Variants in RAB11FIP4 observed in about 807,000 individuals in gnomAD.
The protein encoded by RAB11FIP4 is rab11 family-interacting protein 4.
Under a neutral mutation model 74.3 loss-of-function variants are expected in RAB11FIP4, and 23 were observed. The ratio of observed to expected loss-of-function variants is 0.31; its 90% confidence interval spans 0.22 to 0.44. The LOEUF is 0.44. Among genes scored for constraint, RAB11FIP4 ranks in the 20% least tolerant of loss-of-function variants. The probability of loss-of-function intolerance (pLI) is 1.00; values close to 1 mark genes in which losing one functional copy is unlikely to be tolerated. For synonymous variants in RAB11FIP4, 360 were observed against 359.9 expected (o/e 1.00, Z 0.00); for missense variants, 630 against 863.9 (o/e 0.73, Z 3.39).
chr17:31,404,733 G>T (rs781037433), intron 1 of RAB11FIP4, among the ~76,000 whole-genome samples: 1 of 152,104 alleles, frequency 6.6e-6, no homozygotes, highest in Non-Finnish European at 1.5e-5. Flanking sequence ...CGGTGGGGGC[G>T]GGGGACTGAC....
chr17:31,517,669 C>A lies in RAB11FIP4; in HGVS notation c.355C>A (p.Pro119Thr). Residue 119 changes from proline (P) to threonine (T), a missense_variant, in exon 4 of 15, where the codon CCC becomes ACC. Coordinates refer to ENST00000621161, the MANE Select transcript of RAB11FIP4 (RefSeq NM_032932.6). ...CVEQGSEVTGPTFADGELIPR... is the reference protein window; with the variant it reads ...CVEQGSEVTGTTFADGELIPR... The stretch of plus-strand genomic sequence containing the variant: ...TTCCCAGGGCAGCGAGGTCACAGGC[C>A]CCACCTTTGCTGATGGCGAGCTCAT... The A allele has an allele frequency of 6.2e-7, 1 of 1,605,928 alleles. No individual in the cohort carries two copies. Among genetic ancestry groups the A allele is most frequent in the Non-Finnish European group, 8.5e-7 (1 of 1,177,026 alleles).
chr17:31,395,248 T>TAATA (rs1299382220), intron 1 of RAB11FIP4, among the ~76,000 whole-genome samples: 1 of 152,182 alleles, frequency 6.6e-6, no homozygotes, highest in Non-Finnish European at 1.5e-5. Flanking sequence ...GAACAGATGA[T>TAATA]AATAAATAAA....
chr17:31,527,579 G>A (rs1047012005), intron 10 of RAB11FIP4: 3 of 430,970 alleles, frequency 7.0e-6, no homozygotes, highest in Non-Finnish European at 1.2e-5. Context: ...GGGCAACAGA[G>A]CAGGACTCTG....
At chr17:31,502,372 A>G (rs1455082188) in intron 3 of RAB11FIP4, among the ~76,000 whole-genome samples, 1 of 151,848 alleles carries the variant, frequency 6.6e-6, no homozygotes, top group Non-Finnish European at 1.5e-5. Flanking sequence ...TGAGGTCAGG[A>G]GTTCAAGACC....
chr17:31,403,611 CGCGCCCGGCCCT>C (rs1567644276), intron 1 of RAB11FIP4, among the ~76,000 whole-genome samples: 1 of 152,134 alleles, frequency 6.6e-6, no homozygotes, highest in Non-Finnish European at 1.5e-5. Context: ...CATGAGCCAC[CGCGCCCGGCCCT>C]GCCTTTGTAT....
At chr17:31,516,540 G>GC (rs2072550367) in intron 3 of RAB11FIP4, among the ~76,000 whole-genome samples, 1 of 152,230 alleles carries the variant, frequency 6.6e-6, no homozygotes, top group African/African-American at 2.4e-5. Flanking sequence ...CGCTATCTTG[G>GC]CTCACCGCAA....
intron 1 of RAB11FIP4, among the ~76,000 whole-genome samples, chr17:31,399,088 T>C (rs2070959712): frequency 6.6e-6 from 1 of 151,866 alleles, no homozygotes; most frequent in African/African-American, 2.4e-5. Flanking sequence ...AGCCCTGGAG[T>C]GTAGGGCGGA....
intron 3 of RAB11FIP4, among the ~76,000 whole-genome samples, chr17:31,481,379 C>G (rs541583639): frequency 6.6e-6 from 1 of 152,120 alleles, no homozygotes; most frequent in East Asian, 1.9e-4. Context: ...GTTTAGGAAC[C>G]ACTGCTTTAA....
rs893248415 is a variant in RAB11FIP4 at position 31,523,670 on chromosome 17, G to A, written c.1029+59G>A. The A allele has an allele frequency of 3.0e-5, 44 of 1,489,726 alleles. No individual in the cohort carries two copies. In the African/African-American group the frequency reaches 5.5e-4, roughly 19 times the overall value. 92.3% of individuals were successfully genotyped at this position (1,489,726 alleles called of 1,614,324 possible). ...GCATGCCTGCTCCCAGGGGAGATGG[G>A]GTGCACTCAGGCTACTGTCTGGGGA... On this transcript the variant is annotated intron_variant, in intron 8 of 14. Transcript: ENST00000621161.
chr17:31,521,727 G>A (rs771051296), intron 5 of RAB11FIP4, 188 bp from the exon 6 acceptor site: 1 of 662,970 alleles, frequency 1.5e-6, no homozygotes, highest in South Asian at 2.0e-5. Context: ...AAATGGGTAT[G>A]CCTCACTGGC....
intron 3 of RAB11FIP4, among the ~76,000 whole-genome samples, chr17:31,453,355 C>CAAAA (rs747844559): frequency 0.017 from 1,226 of 71,060 alleles, 16 homozygotes; most frequent in East Asian, 0.078. Flanking sequence ...GACCCTACCT[C>CAAAA]AAAAAAAAAA....
At chr17:31,451,017 A>C (rs996580358) in intron 3 of RAB11FIP4, among the ~76,000 whole-genome samples, 1 of 152,044 alleles carries the variant, frequency 6.6e-6, no homozygotes, top group Non-Finnish European at 1.5e-5. Flanking sequence ...TTTTACCTCC[A>C]AACTATGTCC....
In RAB11FIP4 at chr17:31,446,657, C is replaced by T. The variant is rs116507115; in HGVS notation, c.336+12535C>T. On this transcript the variant is annotated intron_variant, in intron 3 of 14. Transcript: ENST00000621161. ...AGAAAACTAGAAAAGACCCCCCCCA[C>T]GTCTTTGGGGGGATTATCTGAGATA... Among the ~76,000 whole-genome samples, 312 of 151,716 alleles carry T rather than the reference C, an allele frequency of 2.1e-3. 1 individual carries two copies. Among genetic ancestry groups the T allele is most frequent in the African/African-American group, 6.9e-3 (287 of 41,296 alleles).
chr17:31,432,769 A>G lies in RAB11FIP4; in HGVS notation c.247+869A>G, dbSNP rs181404723. ...GTCTTGTCCCAAAAATTCAAAGGCC[A>G]GTTGTGAGAAACTTGCAGGAATCAG... On this transcript the variant is annotated intron_variant, in intron 2 of 14. Transcript: ENST00000621161. 7.2e-5 allele frequency among the ~76,000 whole-genome samples: 11 copies of G among 152,356 alleles called. No individual in the cohort carries two copies. In the East Asian group the frequency reaches 2.1e-3, roughly 29 times the overall value.
intron 1 of RAB11FIP4, among the ~76,000 whole-genome samples, chr17:31,424,829 G>A (rs1362230340): frequency 1.3e-5 from 2 of 152,032 alleles, no homozygotes; most frequent in South Asian, 2.1e-4. Context: ...CACCCATCTC[G>A]GCCTCCCAAA....
At chr17:31,454,431 G>C (rs2071559013) in intron 3 of RAB11FIP4, among the ~76,000 whole-genome samples, 1 of 151,862 alleles carries the variant, frequency 6.6e-6, no homozygotes, top group African/African-American at 2.4e-5. Flanking sequence ...GTGCCACCAC[G>C]CCCAACTAAT....
Position 31,527,848 on chromosome 17 carries a change from G to A in RAB11FIP4, c.1281G>A (p.Gln427=). 8 of 1,605,464 alleles carry A rather than the reference G, an allele frequency of 5.0e-6. No homozygotes were observed. Among genetic ancestry groups the A allele is most frequent in the Non-Finnish European group, 6.8e-6 (8 of 1,176,242 alleles). The part of the protein sequence containing the change: ...TEVELLNARV[Q]QLEEENTELR... ...GTCTTTCTCCTTTCGCCAGGGTGCA[G>A]CAGTTGGAGGAAGAAAATACAGAGC... The change falls in exon 11 of 15, where the codon CAG becomes CAA. Residue 427 remains glutamine, a synonymous_variant. Coordinates refer to ENST00000621161, the MANE Select transcript of RAB11FIP4 (RefSeq NM_032932.6).
intron 3 of RAB11FIP4, among the ~76,000 whole-genome samples, chr17:31,481,248 A>G (rs1406372535): frequency 6.6e-6 from 1 of 152,120 alleles, no homozygotes; most frequent in Non-Finnish European, 1.5e-5. Flanking sequence ...AACTGCCAAC[A>G]CCTGGCTTCC....
intron 3 of RAB11FIP4, among the ~76,000 whole-genome samples, chr17:31,497,731 T>C (rs1424350453): frequency 6.6e-6 from 1 of 152,116 alleles, no homozygotes; most frequent in Admixed American, 6.5e-5. Flanking sequence ...GACAGCCACA[T>C]GGGGATGTCT....
Sources: allele counts gnomAD v4.1 joint callset (sites outside exome capture counted in the v4.1 genomes callset), GRCh38; gene constraint gnomAD v4.1.1; transcripts MANE v1.5; gene names NCBI Gene and HGNC (gene_info 2026-07-23, HGNC 2026-07-21).